KIF13A: variants seen among roughly 807,000 people sequenced by gnomAD.
The protein encoded by KIF13A is kinesin-like protein KIF13A.
A neutral mutation model predicts 212.2 loss-of-function variants in KIF13A; 79 were observed. That is an observed-to-expected ratio of 0.37 (90% confidence interval 0.31 to 0.45). KIF13A has a LOEUF of 0.45. Ranked by LOEUF, KIF13A falls within the 20% of genes least tolerant of loss-of-function variation. KIF13A has a pLI of 1.00. For synonymous variants in KIF13A, 789 were observed against 808.6 expected (o/e 0.98, Z 0.41); for missense variants, 1,901 against 2,209.0 (o/e 0.86, Z 2.79).
intron 16 of KIF13A, among the ~76,000 whole-genome samples, chr6:17,817,838 T>C (rs1408395194): frequency 6.6e-6 from 1 of 152,136 alleles, no homozygotes. Flanking sequence ...GCAAAAATAA[T>C]AAAAACCTGT....
chr6:17,878,839 C>T (rs1417673821), intron 3 of KIF13A, among the ~76,000 whole-genome samples: 1 of 152,168 alleles, frequency 6.6e-6, no homozygotes, highest in Non-Finnish European at 1.5e-5. Flanking sequence ...AATATTAAAA[C>T]CCTGCAGATG....
intron 19 of KIF13A, 115 bp from the exon 20 acceptor site, chr6:17,804,625 A>C: frequency 9.6e-7 from 1 of 1,044,670 alleles, no homozygotes; most frequent in Non-Finnish European, 1.3e-6. Context: ...CCATTTAAAC[A>C]GCAAGTAAAA....
intron 38 of KIF13A, among the ~76,000 whole-genome samples, chr6:17,765,851 G>A (rs187562315): frequency 1.6e-3 from 237 of 152,222 alleles, no homozygotes; most frequent in Admixed American, 3.7e-3. Context: ...TAATGAAATC[G>A]CAAATATTCC....
At chr6:17,805,417 C>T (rs978041290) in intron 19 of KIF13A, 58 bp downstream of exon 19, 28 of 1,289,804 alleles carry the variant, frequency 2.2e-5, no homozygotes, top group Admixed American at 5.4e-5. Flanking sequence ...GTTGCTAAAT[C>T]GCTTATATTC....
intron 16 of KIF13A, among the ~76,000 whole-genome samples, chr6:17,820,014 G>T (rs146212494): frequency 1.1e-4 from 17 of 152,084 alleles, no homozygotes; most frequent in African/African-American, 3.6e-4. Context: ...TTTTTGCTAC[G>T]AGATACTGAA....
In KIF13A at chr6:17,871,222, A is replaced by T. The variant is rs925250215; in HGVS notation, c.220+2155T>A. 6.6e-6 allele frequency among the ~76,000 whole-genome samples: 1 copy of T among 152,202 alleles called. No individual in the cohort carries two copies. Among genetic ancestry groups the T allele is most frequent in the Non-Finnish European group, 1.5e-5 (1 of 68,030 alleles). ...GTATCCCTTGTGGAATGGCTGAATC[A>T]GGCGATTTAATGTATGTGTTGTCTC... On this transcript the variant is annotated intron_variant, in intron 4 of 38. Transcript: ENST00000259711. The surrounding 1 kb of genome is among the most constrained non-coding windows in gnomAD (Gnocchi z 4.4).
At position 17,794,720 on chromosome 6, in the gene KIF13A, C is replaced by A; in HGVS notation, c.2943-16G>T. 6.2e-7 allele frequency: 1 copy of A among 1,601,726 alleles called. No homozygotes were observed. The highest frequency in any genetic ancestry group is 8.5e-7 in the Non-Finnish European group (1 of 1,176,878). On this transcript the variant is annotated splice_polypyrimidine_tract_variant and intron_variant, in intron 23 of 38. Transcript: ENST00000259711. This position sits in a 1 kb window ranked among gnomAD's most constrained non-coding sequence, Gnocchi z 4.1. ...TTCATTCCACCTGCAGAAACACATT[C>A]CAACAAGCAAGAGCGTCATCGTCCA... is the stretch of plus-strand genomic sequence containing the variant.
At chr6:17,866,824 AGC>A (rs61710186) in intron 4 of KIF13A, among the ~76,000 whole-genome samples, 3,854 of 16,582 alleles carry the variant, frequency 0.23, 439 homozygotes, top group African/African-American at 0.32. Flanking sequence ...ACAAAAAAGC[AGC>A]GCATATATAT....
At chr6:17,868,828 A>T (rs1045128733) in intron 4 of KIF13A, among the ~76,000 whole-genome samples, 1 of 151,406 alleles carries the variant, frequency 6.6e-6, no homozygotes, top group Non-Finnish European at 1.5e-5. Context: ...CCCTGTCTCT[A>T]CTAAAAAATA....
rs753623990 is a variant in KIF13A at position 17,809,866 on chromosome 6, C to T, written c.2001-936G>A. 3.3e-5 allele frequency among the ~76,000 whole-genome samples: 5 copies of T among 152,294 alleles called. No homozygotes were observed. The highest frequency in any genetic ancestry group is 1.9e-4 in the East Asian group (1 of 5,182). ...AGCACCTAAATCTCTACTCCTCACT[C>T]GTCACCTTAGAAATGACAGAAGACG... is the stretch of plus-strand genomic sequence containing the variant. On this transcript the variant is annotated intron_variant, in intron 17 of 38. Transcript: ENST00000259711. This position sits in a 1 kb window ranked among gnomAD's most constrained non-coding sequence, Gnocchi z 4.7.
chr6:17,827,195 A>G (rs1186541288), intron 14 of KIF13A, among the ~76,000 whole-genome samples: 1 of 152,180 alleles, frequency 6.6e-6, no homozygotes, highest in East Asian at 1.9e-4. Context: ...CGTGGGCTCA[A>G]GTGATCCTCC....
intron 2 of KIF13A, among the ~76,000 whole-genome samples, chr6:17,927,223 C>T (rs1324600408): frequency 2.6e-5 from 4 of 151,600 alleles, no homozygotes; most frequent in African/African-American, 9.7e-5. Flanking sequence ...TACCAGTATT[C>T]ATAGCAGGAT....
chr6:17,934,742 T>A lies in KIF13A; in HGVS notation c.147-36562A>T, dbSNP rs899631591. Among the ~76,000 whole-genome samples, 1 of 150,646 alleles carries A rather than the reference T, an allele frequency of 6.6e-6. No individual in the cohort carries two copies. The highest frequency in any genetic ancestry group is 1.5e-5 in the Non-Finnish European group (1 of 67,800). ...GGTAGAGGCTGTGGTGAGCCATGAC[T>A]GCACCACTGACTCCAGCCTGGGCAA... On this transcript the variant is annotated intron_variant, in intron 2 of 38. Coordinates refer to ENST00000259711, the MANE Select transcript of KIF13A (RefSeq NM_022113.6). This position sits in a 1 kb window ranked among gnomAD's most constrained non-coding sequence, Gnocchi z 5.4.
intron 2 of KIF13A, among the ~76,000 whole-genome samples, chr6:17,924,223 C>A (rs1227370325): frequency 6.6e-6 from 1 of 152,118 alleles, no homozygotes; most frequent in Non-Finnish European, 1.5e-5. Context: ...CTCAAAAAAG[C>A]CACTTACACA....
chr6:17,876,798 C>T (rs190554905), intron 3 of KIF13A, among the ~76,000 whole-genome samples: 239 of 152,238 alleles, frequency 1.6e-3, no homozygotes, highest in Admixed American at 3.8e-3. Context: ...CCATGCCCAA[C>T]TAATTTTTGT....
In KIF13A at chr6:17,780,720, C is replaced by G; in HGVS notation, c.3846+10G>C. 6.2e-7 allele frequency: 1 copy of G among 1,611,548 alleles called. No homozygotes were observed. Among genetic ancestry groups the G allele is most frequent in the Non-Finnish European group, 8.5e-7 (1 of 1,178,116 alleles). Reference sequence around the variant, plus strand: ...AGAGCCAGAATGGCACAATCAGGCCCCGTTATTACCTGTTTGTTGTAAATA... The same window carrying G: ...AGAGCCAGAATGGCACAATCAGGCCGCGTTATTACCTGTTTGTTGTAAATA... On this transcript the variant is annotated intron_variant, in intron 31 of 38. Transcript: ENST00000259711.
At chr6:17,977,824 G>A (rs1049494590) in intron 2 of KIF13A, among the ~76,000 whole-genome samples, 2 of 152,098 alleles carry the variant, frequency 1.3e-5, no homozygotes, top group Non-Finnish European at 1.5e-5. Context: ...TTTACATTAG[G>A]TATATTTCCT....
At position 17,971,221 on chromosome 6, in the gene KIF13A, C is replaced by T. The variant is rs1373299266; in HGVS notation, c.146+15833G>A. ...TAGACATCGCACACACCAGGGACAC[C>T]TAACTGTACTTCACAGTTCAGAGTT... On this transcript the variant is annotated intron_variant, in intron 2 of 38. Transcript: ENST00000259711. This position sits in a 1 kb window ranked among gnomAD's most constrained non-coding sequence, Gnocchi z 4.2. Among the ~76,000 whole-genome samples the T allele has an allele frequency of 6.6e-6, 1 of 152,136 alleles. No homozygotes were observed. Among genetic ancestry groups the T allele is most frequent in the East Asian group, 1.9e-4 (1 of 5,194 alleles).
At chr6:17,824,748 G>C (rs1306220954) in intron 16 of KIF13A, among the ~76,000 whole-genome samples, 1 of 128,556 alleles carries the variant, frequency 7.8e-6, no homozygotes, top group South Asian at 2.8e-4. Context: ...GCGACAGAGA[G>C]AGACTCCGTC....
Sources: allele counts gnomAD v4.1 joint callset (sites outside exome capture counted in the v4.1 genomes callset), GRCh38; gene constraint gnomAD v4.1.1; non-coding constraint Gnocchi (gnomAD v3.1); transcripts MANE v1.5; gene names NCBI Gene and HGNC (gene_info 2026-07-23, HGNC 2026-07-21).